NPC1: variants seen among roughly 807,000 people sequenced by gnomAD.
The protein encoded by NPC1 is Niemann-Pick C1 protein.
Under a neutral mutation model 140.4 loss-of-function variants are expected in NPC1, and 85 were observed. The observed-to-expected ratio is 0.61, with a 90% CI of 0.51 to 0.72. The LOEUF (loss-of-function observed/expected upper bound fraction) is 0.72. Ranked by LOEUF, NPC1 falls within the 30% of genes least tolerant of loss-of-function variation. NPC1 has a pLI of 0.00. For synonymous variants in NPC1, 656 were observed against 624.8 expected (o/e 1.05, Z -0.74); for missense variants, 1,504 against 1,623.8 (o/e 0.93, Z 1.27).
At chr18:23,534,192 C>T in intron 23 of NPC1, 2 of 582,544 alleles carry the variant, frequency 3.4e-6, no homozygotes, top group South Asian at 3.9e-5. Context: ...GAAAGACTGC[C>T]AGCTGTCTCA....
At chr18:23,560,802 T>A (rs1567969948) in intron 5 of NPC1, among the ~76,000 whole-genome samples, 1 of 152,138 alleles carries the variant, frequency 6.6e-6, no homozygotes, top group Non-Finnish European at 1.5e-5. Flanking sequence ...AAAAGCTGCC[T>A]CCCACCCCCT....
chr18:23,576,061 T>C (rs1204581784), intron 1 of NPC1, among the ~76,000 whole-genome samples: 3 of 152,008 alleles, frequency 2.0e-5, no homozygotes, highest in Non-Finnish European at 2.9e-5. Context: ...CTGTCTCTAC[T>C]GAAAATACAA....
At position 23,536,834 on chromosome 18, in the gene NPC1, G is replaced by A. The variant is rs2058638135; in HGVS notation, c.3084C>T (p.Gly1028=). 6.2e-7 allele frequency: 1 copy of A among 1,614,128 alleles called. No homozygotes were observed. The highest frequency in any genetic ancestry group is 8.5e-7 in the Non-Finnish European group (1 of 1,179,978). The change falls in exon 21 of 25, where the codon GGC becomes GGT. Residue 1028 remains glycine (G), a synonymous_variant. Transcript: ENST00000269228. ...AYSSAVNILL[G]HGTRVGATYF... ...ACGTGGCTCCGACCCTGGTGCCATG[G>A]CCAAGGAGGATGTTAACTGCAGAAC... is the stretch of plus-strand genomic sequence containing the variant.
intron 20 of NPC1, among the ~76,000 whole-genome samples, chr18:23,537,958 C>T (rs1325337888): frequency 2.0e-5 from 3 of 152,082 alleles, no homozygotes; most frequent in African/African-American, 7.2e-5. Flanking sequence ...ACTCATCTTC[C>T]ACCTCCCAAA....
intron 4 of NPC1, among the ~76,000 whole-genome samples, chr18:23,564,782 G>A (rs2059098278): frequency 1.3e-5 from 2 of 152,164 alleles, no homozygotes; most frequent in South Asian, 4.1e-4. Context: ...ATGTTTTATT[G>A]TTTTATAGTT....
chr18:23,553,159 T>TG (rs1409897294), intron 9 of NPC1, among the ~76,000 whole-genome samples: 1 of 152,238 alleles, frequency 6.6e-6, no homozygotes, highest in Non-Finnish European at 1.5e-5. Flanking sequence ...TCCACACTGG[T>TG]GGGAACCACG....
At chr18:23,517,460 A>G (rs1297078011), downstream of NPC1, among the ~76,000 whole-genome samples, 1 of 152,056 alleles carries the variant, frequency 6.6e-6, no homozygotes, top group Admixed American at 6.6e-5. Flanking sequence ...ACGGAGGTAT[A>G]TTTTCATTTG....
chr18:23,519,200 A>G (rs777477860), downstream of NPC1: 4 of 1,595,342 alleles, frequency 2.5e-6, no homozygotes, highest in South Asian at 3.3e-5. Context: ...GTTTCTACCA[A>G]AGTTAAGGTT....
chr18:23,577,418 T>C (rs2059299827), intron 1 of NPC1, among the ~76,000 whole-genome samples: 1 of 149,128 alleles, frequency 6.7e-6, no homozygotes, highest in Non-Finnish European at 1.5e-5. Flanking sequence ...CTCCACGTCC[T>C]CACCAGAGCA....
Position 23,531,748 on chromosome 18 carries a change from T to G in NPC1, c.*454A>C. ...TATATAAAAATGTGTACAAAGTTAA[T>G]TTATTGCATTAATAAAGCTCTTTAA... On this transcript the variant is annotated 3_prime_UTR_variant, in exon 25 of 25. Coordinates refer to ENST00000269228, the MANE Select transcript of NPC1 (RefSeq NM_000271.5). 6.3e-7 allele frequency: 1 copy of G among 1,588,620 alleles called. No homozygotes were observed. Among genetic ancestry groups the G allele is most frequent in the South Asian group, 1.2e-5 (1 of 86,052 alleles).
chr18:23,529,271 T>C (rs568473787), downstream of NPC1: 2 of 1,613,646 alleles, frequency 1.2e-6, no homozygotes, highest in South Asian at 2.2e-5. Context: ...TGTACACCCA[T>C]GTCCTGTCAG....
chr18:23,547,506 C>T (rs1162380737), intron 11 of NPC1, among the ~76,000 whole-genome samples: 3 of 152,052 alleles, frequency 2.0e-5, no homozygotes, highest in Non-Finnish European at 2.9e-5. Flanking sequence ...TTTGGGAGGC[C>T]GAGGAGGGTG....
intron 11 of NPC1, among the ~76,000 whole-genome samples, chr18:23,547,212 C>T (rs902989646): frequency 1.8e-4 from 27 of 152,144 alleles, no homozygotes; most frequent in African/African-American, 6.3e-4. Flanking sequence ...TAAAGTGCAA[C>T]CTGGCCTCCT....
rs770324592 is a variant in NPC1 at position 23,543,522 on chromosome 18, C to T, written c.2178G>A (p.Arg726=). The change falls in exon 14 of 25, where the codon AGG becomes AGA. Residue 726 remains arginine, a synonymous_variant. Coordinates refer to ENST00000269228, the MANE Select transcript of NPC1 (RefSeq NM_000271.5). ...TACTGGGAGCCACTTCTCCTAGGAC[C>T]CTGCCCAGCTGCTGATCCAGGGTTT... ...QGETLDQQLG[R]VLGEVAPSMF... is the part of the protein sequence containing the mutation. 14 of 1,612,420 alleles carry T rather than the reference C, an allele frequency of 8.7e-6. No homozygotes were observed. Among genetic ancestry groups the T allele is most frequent in the Admixed American group, 1.7e-5 (1 of 59,930 alleles).
chr18:23,511,071 C>T (rs555705540), intron 3 of NPC1, among the ~76,000 whole-genome samples: 20 of 152,354 alleles, frequency 1.3e-4, no homozygotes, highest in African/African-American at 4.8e-4. Flanking sequence ...GACATGGAAT[C>T]ATCCTAAATG....
At chr18:23,554,660 C>T (rs1942946317) in intron 9 of NPC1, 98 bp downstream of exon 9, 2 of 860,360 alleles carry the variant, frequency 2.3e-6, no homozygotes. Context: ...TTGTTGTTTG[C>T]TCACCTCTGG....
downstream of NPC1, among the ~76,000 whole-genome samples, chr18:23,527,223 C>CAAA (rs386387173): frequency 2.3e-3 from 101 of 43,630 alleles, 4 homozygotes; most frequent in South Asian, 4.1e-3. Context: ...CCTGTCTCTA[C>CAAA]AAAAAAAAAA....
intron 3 of NPC1, among the ~76,000 whole-genome samples, chr18:23,515,115 C>T (rs139228449): frequency 6.6e-6 from 1 of 152,274 alleles, no homozygotes; most frequent in East Asian, 1.9e-4. Flanking sequence ...CGAGTTAACA[C>T]ATGGGGTCCT....
downstream of NPC1, among the ~76,000 whole-genome samples, chr18:23,517,890 G>C (rs2058050832): frequency 6.6e-6 from 1 of 152,020 alleles, no homozygotes; most frequent in Admixed American, 6.5e-5. Flanking sequence ...GATAATTTTT[G>C]TATTTTCTGA....
Sources: gnomAD v4.1 joint callset for allele counts (sites outside exome capture counted in the v4.1 genomes callset) on GRCh38, gnomAD v4.1.1 for gene constraint, MANE v1.5 for transcripts, NCBI Gene and HGNC (gene_info 2026-07-23, HGNC 2026-07-21) for gene names.